Variants in GNE observed in about 807,000 individuals in gnomAD.
GNE encodes bifunctional UDP-N-acetylglucosamine 2-epimerase/N-acetylmannosamine kinase.
A neutral mutation model predicts 61.8 loss-of-function variants in GNE; 41 were observed. The observed-to-expected ratio is 0.66, with a 90% confidence interval of 0.52 to 0.86. The LOEUF (loss-of-function observed/expected upper bound fraction) is 0.86, where lower values mean the gene tolerates loss of function less well. GNE is among the 40% of genes least tolerant of loss of function. GNE has a pLI of 0.00. For synonymous variants in GNE, 264 were observed against 326.4 expected (o/e 0.81, Z 2.06); for missense variants, 608 against 909.1 (o/e 0.67, Z 4.26).
intron 3 of GNE, among the ~76,000 whole-genome samples, chr9:36,243,595 C>G (rs1829739714): frequency 6.6e-6 from 1 of 152,160 alleles, no homozygotes; most frequent in African/African-American, 2.4e-5. Context: ...ATAAACCCAG[C>G]AGTTTGGGAG....
intron 6 of GNE, among the ~76,000 whole-genome samples, chr9:36,228,664 C>T (rs553261083): frequency 1.5e-4 from 23 of 151,286 alleles, no homozygotes; most frequent in African/African-American, 4.9e-4. Context: ...CGTGGTGGTG[C>T]GCACCTGTAA....
In GNE at chr9:36,217,445, C is replaced by T. The variant is rs924917351; in HGVS notation, c.2089G>A (p.Val697Met). 2 of 1,614,054 alleles carry T rather than the reference C, an allele frequency of 1.2e-6. No homozygotes were observed. Among genetic ancestry groups the T allele is most frequent in the African/African-American group, 2.7e-5 (2 of 74,908 alleles). The change falls in exon 12 of 12, where the codon GTG (valine) becomes ATG (methionine). Residue 697 changes from valine to methionine, a missense_variant. Transcript: ENST00000642385. ...ALSSVQDVDV[V>M]VSDLVDPALL... ...GCGGGGTCAACCAAATCCGAAACCA[C>T]CACATCCACGTCCTGCACGGAGGAC...
chr9:36,231,852 C>G lies in GNE; in HGVS notation c.982+2068G>C, dbSNP rs546964472. Among the ~76,000 whole-genome samples the G allele has an allele frequency of 1.1e-4, 17 of 152,322 alleles. No homozygotes were observed. The South Asian group carries it at 3.3e-3, about 30-fold the overall frequency. Reference sequence around the variant, plus strand: ...TCTAACTCTTCCTGGAACTATCTAGCTGTTTACTAGCCATGTCTGCTTTGA... The same window carrying G: ...TCTAACTCTTCCTGGAACTATCTAGGTGTTTACTAGCCATGTCTGCTTTGA... On this transcript the variant is annotated intron_variant, in intron 5 of 11. Coordinates refer to ENST00000642385, the MANE Select transcript of GNE (RefSeq NM_005476.7).
chr9:36,260,281 TAAA>T (rs538107305), upstream of GNE, among the ~76,000 whole-genome samples: 5 of 123,592 alleles, frequency 4.0e-5, no homozygotes, highest in Non-Finnish European at 3.5e-5. Flanking sequence ...CCTCATCTCT[TAAA>T]AAAAAAAAAA....
At chr9:36,245,038 G>A (rs1052525877) in intron 3 of GNE, among the ~76,000 whole-genome samples, 5 of 151,986 alleles carry the variant, frequency 3.3e-5, no homozygotes, top group African/African-American at 4.8e-5. Context: ...AGCACTTTGG[G>A]AGGCTGAGGT....
At chr9:36,256,394 G>C (rs899303446) in intron 1 of GNE, among the ~76,000 whole-genome samples, 3 of 150,450 alleles carry the variant, frequency 2.0e-5, no homozygotes, top group African/African-American at 4.9e-5. Flanking sequence ...ACAGGCGCCT[G>C]CCACCACATC....
intron 3 of GNE, among the ~76,000 whole-genome samples, chr9:36,238,691 G>A (rs575928450): frequency 3.9e-5 from 6 of 152,292 alleles, no homozygotes; most frequent in African/African-American, 1.4e-4. Context: ...CTCTGTGGTT[G>A]TCTGTTTACT....
intron 3 of GNE, 140 bp from the exon 4 acceptor site, chr9:36,237,124 G>A (rs1829428331): frequency 1.4e-6 from 1 of 691,594 alleles, no homozygotes; most frequent in African/African-American, 1.8e-5. Context: ...TGTGAACAGG[G>A]CATCCAAATT....
At chr9:36,263,537 C>G (rs1830676750) in intron 1 of GNE, 1 of 153,282 alleles carries the variant, frequency 6.5e-6, no homozygotes, top group Non-Finnish European at 1.5e-5. Context: ...ATCCAGCCCA[C>G]ATCTCTCTGA....
chr9:36,258,667 G>A (rs1361322107), upstream of GNE, among the ~76,000 whole-genome samples: 2 of 152,366 alleles, frequency 1.3e-5, no homozygotes, highest in African/African-American at 4.8e-5. Flanking sequence ...GCTGCTGCGG[G>A]GCTGTCCTGC....
chr9:36,233,856 T>C (rs777438184), intron 5 of GNE, 64 bp downstream of exon 5: 25 of 1,212,872 alleles, frequency 2.1e-5, no homozygotes, highest in South Asian at 1.1e-4. Context: ...GATATATGCA[T>C]ACCTTATAAC....
chr9:36,268,618 T>C (rs1218408368), intron 1 of GNE, among the ~76,000 whole-genome samples: 4 of 151,956 alleles, frequency 2.6e-5, no homozygotes, highest in Non-Finnish European at 4.4e-5. Context: ...CAGTGAGCCA[T>C]GATCATGCCA....
At chr9:36,242,487 C>T (rs34314303) in intron 3 of GNE, among the ~76,000 whole-genome samples, 2 of 152,098 alleles carry the variant, frequency 1.3e-5, no homozygotes, top group African/African-American at 4.8e-5. Context: ...GGCGCGATCT[C>T]GGCTCACTGC....
Position 36,246,436 on chromosome 9 carries a change from T to A in GNE, c.211A>T (p.Arg71Trp), listed in dbSNP as rs886044539. Reference protein sequence around the residue: ...IEQDDFDINTRLHTIVRGEDE... With the variant: ...IEQDDFDINTWLHTIVRGEDE... ...TCTCCCCTCACAATTGTGTGTAGCC[T>A]GGTGTTAATGTCAAAGTCATCTTGT... The change falls in exon 3 of 12, where the codon AGG becomes TGG. Residue 71 changes from arginine to tryptophan, a missense_variant. Physicochemically the swap from Arg to Trp is moderately radical, Grantham distance 101. Coordinates refer to ENST00000642385, the MANE Select transcript of GNE (RefSeq NM_005476.7). 7 of 1,613,940 alleles carry A rather than the reference T, an allele frequency of 4.3e-6. No homozygotes were observed. Among genetic ancestry groups the A allele is most frequent in the Non-Finnish European group, 5.1e-6 (6 of 1,179,876 alleles).
At chr9:36,260,661 A>ATCCT (rs1460740093), upstream of GNE, among the ~76,000 whole-genome samples, 1 of 151,970 alleles carries the variant, frequency 6.6e-6, no homozygotes, top group African/African-American at 2.4e-5. Flanking sequence ...CAAGGTGAGG[A>ATCCT]GATCGAGACC....
chr9:36,251,682 G>C (rs28631473), intron 1 of GNE, among the ~76,000 whole-genome samples: 6,215 of 152,098 alleles, frequency 0.041, 418 homozygotes, highest in African/African-American at 0.14. Context: ...TCAATATTTA[G>C]AACTTGTAAT....
intron 3 of GNE, among the ~76,000 whole-genome samples, chr9:36,243,884 T>A (rs528236754): frequency 1.1e-4 from 17 of 152,098 alleles, no homozygotes; most frequent in African/African-American, 3.6e-4. Context: ...TAATCTAGAT[T>A]AAAAATATAC....
chr9:36,229,087 C>G lies in GNE; in HGVS notation c.1004G>C (p.Arg335Pro). Residue 335 changes from arginine to proline, a missense_variant, in exon 6 of 12, where the codon CGG (arginine) becomes CCG (proline). By Grantham distance (103) the Arg-to-Pro change is moderately radical (BLOSUM62 -2). Transcript: ENST00000642385. ...RETGENVLHV[R>P]DADTQDKILQ... ...TATTTTGTCTTGGGTGTCAGCATCC[C>G]GGACATGAAGAACATTCTCCCCTAG... 1 of 1,607,322 alleles carries G rather than the reference C, an allele frequency of 6.2e-7. No individual in the cohort carries two copies. The highest frequency in any genetic ancestry group is 8.5e-7 in the Non-Finnish European group (1 of 1,173,966).
chr9:36,275,444 A>G (rs1458246560), intron 1 of GNE, among the ~76,000 whole-genome samples: 1 of 152,224 alleles, frequency 6.6e-6, no homozygotes, highest in Non-Finnish European at 1.5e-5. Flanking sequence ...GGAATATTGG[A>G]AAAGATAATT....
Sources: gnomAD v4.1 joint callset for allele counts (sites outside exome capture counted in the v4.1 genomes callset) on GRCh38, gnomAD v4.1.1 for gene constraint, MANE v1.5 for transcripts, NCBI Gene and HGNC (gene_info 2026-07-23, HGNC 2026-07-21) for gene names.